The following EPS8 variants were observed in gnomAD, a reference collection of about 807,000 sequenced individuals.
The protein encoded by EPS8 is EGFR pathway substrate 8, signaling adaptor.
In EPS8, 42 loss-of-function variants were observed where a neutral mutation model predicts 103.8. That is an observed-to-expected ratio of 0.40 (90% CI 0.32 to 0.52). EPS8 has a LOEUF of 0.52. Among genes scored for constraint, EPS8 ranks in the 20% least tolerant of loss-of-function variants. EPS8 has a pLI of 0.40. For missense variants in EPS8, 969 were observed against 1,005.1 expected (o/e 0.96, Z 0.49); for synonymous variants, 344 against 344.6 (o/e 1.00, Z 0.02).
At position 15,676,638 on chromosome 12, in the gene EPS8, T is replaced by G. The variant is rs1945913450; in HGVS notation, c.136+4588A>C. Among the ~76,000 whole-genome samples, 3 of 152,206 alleles carry G rather than the reference T, an allele frequency of 2.0e-5. No homozygotes were observed. In the South Asian group the frequency reaches 6.2e-4, roughly 31 times the overall value. ...TTTCCCTTAAAAACAATTTTAAATT[T>G]TAGTGCTTAAAGGCTTTGACAAACA... is the stretch of plus-strand genomic sequence containing the variant. On this transcript the variant is annotated intron_variant, in intron 3 of 20. Coordinates refer to ENST00000281172, the MANE Select transcript of EPS8 (RefSeq NM_004447.6).
chr12:15,766,315 TAAAAAATACA>T (rs1947095697), intron 1 of EPS8, among the ~76,000 whole-genome samples: 1 of 150,130 alleles, frequency 6.7e-6, no homozygotes, highest in South Asian at 2.1e-4. Flanking sequence ...CCGTCTCTAC[TAAAAAATACA>T]AAAAAATACA....
At chr12:15,681,593 T>G (rs1255662172) in intron 2 of EPS8, among the ~76,000 whole-genome samples, 1 of 151,334 alleles carries the variant, frequency 6.6e-6, no homozygotes, top group Admixed American at 6.6e-5. Context: ...AGCCGGGCGT[T>G]GTGGCGCATG....
rs150747811 is a variant in EPS8, at chr12:15,727,836, C to T, written c.-21-44864G>A. Among the ~76,000 whole-genome samples the T allele has an allele frequency of 5.9e-4, 89 of 152,072 alleles. No individual in the cohort carries two copies. Among genetic ancestry groups the T allele is most frequent in the Middle Eastern group, 3.4e-3 (1 of 294 alleles). ...TTGTGCCACTGCACTCCAGCCTGGG[C>T]GACAGAGCGAGACTCCATCCCCAAA... On this transcript the variant is annotated intron_variant, in intron 1 of 20. Transcript: ENST00000281172. This position sits in a 1 kb window ranked among gnomAD's most constrained non-coding sequence, Gnocchi z 4.3.
rs755398831 is a variant in EPS8, at chr12:15,750,043, C to A, written c.-22+39118G>T. ...AACTGCCTCCAGAATTGGACTCTAT[C>A]TCTCTAAACCTGCCGGGTGCTTGGA... On this transcript the variant is annotated intron_variant, in intron 1 of 20. Transcript: ENST00000281172. Among the ~76,000 whole-genome samples, 48 of 152,138 alleles carry A rather than the reference C, an allele frequency of 3.2e-4. 1 individual carries two copies. Among genetic ancestry groups the A allele is most frequent in the Non-Finnish European group, 6.3e-4 (43 of 68,040 alleles).
intron 1 of EPS8, among the ~76,000 whole-genome samples, chr12:15,737,220 G>T (rs1462467706): frequency 1.3e-5 from 2 of 152,022 alleles, no homozygotes; most frequent in Non-Finnish European, 2.9e-5. Flanking sequence ...CCGTAATAGA[G>T]GTTAAACAAA....
At chr12:15,667,471 A>G (rs1422867398) in intron 6 of EPS8, among the ~76,000 whole-genome samples, 1 of 152,164 alleles carries the variant, frequency 6.6e-6, no homozygotes, top group Non-Finnish European at 1.5e-5. Flanking sequence ...CATTACAAAT[A>G]TCGTGTCAAA....
At chr12:15,689,048 G>C (rs1471094811) in intron 1 of EPS8, among the ~76,000 whole-genome samples, 1 of 152,134 alleles carries the variant, frequency 6.6e-6, no homozygotes, top group Non-Finnish European at 1.5e-5. Flanking sequence ...CCCTGCGAGG[G>C]GGACAAAGGA....
chr12:15,675,837 T>A (rs995012883), intron 3 of EPS8, among the ~76,000 whole-genome samples: 5 of 152,182 alleles, frequency 3.3e-5, no homozygotes, highest in South Asian at 4.1e-4. Flanking sequence ...TAAAGAGAAG[T>A]TAGCTTTCTG....
chr12:15,666,731 T>G (rs1336586988), intron 6 of EPS8, among the ~76,000 whole-genome samples: 1 of 152,208 alleles, frequency 6.6e-6, no homozygotes, highest in Non-Finnish European at 1.5e-5. Context: ...CTGAAGAAAT[T>G]TTTAATGATT....
At position 15,771,699 on chromosome 12, in the gene EPS8, G is replaced by A. The variant is rs1023774806; in HGVS notation, c.-22+17462C>T. Among the ~76,000 whole-genome samples the A allele has an allele frequency of 6.6e-5, 10 of 150,698 alleles. No individual in the cohort carries two copies. Among genetic ancestry groups the A allele is most frequent in the African/African-American group, 2.2e-4 (9 of 40,942 alleles). ...GCACTGCACTCCAGCCTGGGTAACA[G>A]AACAAGACTGTCTCTTAAAAAAAAA... On this transcript the variant is annotated intron_variant, in intron 1 of 20. Transcript: ENST00000281172. The surrounding 1 kb of genome is among the most constrained non-coding windows in gnomAD (Gnocchi z 4.6).
At position 15,693,871 on chromosome 12, in the gene EPS8, A is replaced by C. The variant is rs1946207768; in HGVS notation, c.-21-10899T>G. 6.6e-6 allele frequency among the ~76,000 whole-genome samples: 1 copy of C among 152,164 alleles called. No individual in the cohort carries two copies. Among genetic ancestry groups the C allele is most frequent in the South Asian group, 2.1e-4 (1 of 4,828 alleles). ...AACACATGGACACAGGGAGGGGAAA[A>C]AATACACACCAAGGCCTGTCAGATG... On this transcript the variant is annotated intron_variant, in intron 1 of 20. Transcript: ENST00000281172. The surrounding 1 kb of genome is among the most constrained non-coding windows in gnomAD (Gnocchi z 5.6).
At chr12:15,649,409 A>G (rs915893926) in intron 14 of EPS8, among the ~76,000 whole-genome samples, 1 of 152,248 alleles carries the variant, frequency 6.6e-6, no homozygotes, top group Non-Finnish European at 1.5e-5. Context: ...AGCAACAGCA[A>G]GTGTATCATA....
Position 15,762,453 on chromosome 12 carries a change from G to T in EPS8, c.-22+26708C>A, listed in dbSNP as rs1947051982. On this transcript the variant is annotated intron_variant, in intron 1 of 20. Coordinates refer to ENST00000281172, the MANE Select transcript of EPS8 (RefSeq NM_004447.6). This position sits in a 1 kb window ranked among gnomAD's most constrained non-coding sequence, Gnocchi z 4.8. ...TGCTAGGTATAGACCCAAAAGAAAG[G>T]AAATCAGTATATCAAAGGGATATCT... is the stretch of plus-strand genomic sequence containing the variant. 6.6e-6 allele frequency among the ~76,000 whole-genome samples: 1 copy of T among 152,152 alleles called. No homozygotes were observed. Among genetic ancestry groups the T allele is most frequent in the Non-Finnish European group, 1.5e-5 (1 of 68,018 alleles).
chr12:15,723,743 T>C (rs373795723), intron 1 of EPS8, among the ~76,000 whole-genome samples: 68 of 152,302 alleles, frequency 4.5e-4, no homozygotes, highest in African/African-American at 1.6e-3. Flanking sequence ...CCTTACTGTA[T>C]ACCTCCATAG....
chr12:15,669,242 A>G, intron 6 of EPS8, 145 bp downstream of exon 6: 1 of 624,230 alleles, frequency 1.6e-6, no homozygotes, highest in Non-Finnish European at 2.7e-6. Flanking sequence ...CCTAGAGAAG[A>G]TACTAAGGTA....
chr12:15,710,668 C>G (rs1946450255), intron 1 of EPS8, among the ~76,000 whole-genome samples: 2 of 152,112 alleles, frequency 1.3e-5, no homozygotes, highest in African/African-American at 4.8e-5. Flanking sequence ...GCTGGAAAGT[C>G]AATTTTTAAG....
At position 15,762,580 on chromosome 12, in the gene EPS8, TA is replaced by T; in HGVS notation, c.-22+26580del. On this transcript the variant is annotated intron_variant, in intron 1 of 20. Coordinates refer to ENST00000281172, the MANE Select transcript of EPS8 (RefSeq NM_004447.6). The surrounding 1 kb of genome is among the most constrained non-coding windows in gnomAD (Gnocchi z 4.8). The stretch of plus-strand genomic sequence containing the variant: ...ATGGATAAAGTAAATGTGGTACTTA[TA>T]CACAATGGAGTACTATTCATAAAAT... 6.6e-6 allele frequency among the ~76,000 whole-genome samples: 1 copy of T among 152,320 alleles called. No individual in the cohort carries two copies. The highest frequency in any genetic ancestry group is 3.4e-3 in the Middle Eastern group (1 of 294).
chr12:15,631,657 CTT>C lies in EPS8; in HGVS notation c.1827_1828del (p.Arg610AspfsTer9). 6.2e-7 allele frequency: 1 copy of C among 1,606,022 alleles called. No homozygotes were observed. Among genetic ancestry groups the C allele is most frequent in the Non-Finnish European group, 8.5e-7 (1 of 1,176,206 alleles). ...AGCTGGTCTTGGGCCATACTCCATC[CTT>C]TGTTTCTATAAAAAGACAAATAATT... On this transcript the variant is annotated frameshift_variant, in exon 18 of 21. Coordinates refer to ENST00000281172, the MANE Select transcript of EPS8 (RefSeq NM_004447.6). LOFTEE classifies it high-confidence loss of function.
In EPS8 at chr12:15,641,958, A is replaced by G. The variant is rs1591812639; in HGVS notation, c.1569-128T>C. On this transcript the variant is annotated intron_variant, in intron 15 of 20. Coordinates refer to ENST00000281172, the MANE Select transcript of EPS8 (RefSeq NM_004447.6). ...AAAATTACAGCAGTTTCATTTTATTATATTTTACATTATGATAAATAAAAG... is the reference window on the plus strand; with the variant it reads ...AAAATTACAGCAGTTTCATTTTATTGTATTTTACATTATGATAAATAAAAG... The G allele has an allele frequency of 6.9e-6, 3 of 432,984 alleles. No homozygotes were observed. The East Asian group carries it at 1.1e-4, about 16-fold the overall frequency. The allele number at this position is 432,984 out of a possible 1,614,324, so 26.8% of individuals were successfully genotyped here.
Sources: allele counts gnomAD v4.1 joint callset (sites outside exome capture counted in the v4.1 genomes callset), GRCh38; gene constraint gnomAD v4.1.1; non-coding constraint Gnocchi (gnomAD v3.1); transcripts MANE v1.5; gene names NCBI Gene and HGNC (gene_info 2026-07-23, HGNC 2026-07-21).